UNKL: variants seen among roughly 807,000 people sequenced by gnomAD.
UNKL encodes the protein unk like zinc finger.
A neutral mutation model predicts 78.0 loss-of-function variants in UNKL; 60 were observed. That is an observed-to-expected ratio of 0.77 (90% CI 0.63 to 0.95). The LOEUF is 0.95. Among genes scored for constraint, UNKL ranks in the 40% least tolerant of loss-of-function variants. The pLI is 0.00. For missense variants in UNKL, 1,159 were observed against 1,045.7 expected, an observed-to-expected ratio of 1.11 and a Z score of -1.49; for synonymous variants, 608 against 474.8, an observed-to-expected ratio of 1.28 and a Z score of -3.65.
intron 12 of UNKL, among the ~76,000 whole-genome samples, chr16:1,369,055 G>GTTTTTTTTTTT (rs1218071522): frequency 9.3e-5 from 5 of 53,722 alleles, no homozygotes; most frequent in Non-Finnish European, 9.7e-5. Context: ...CAAAGTATTA[G>GTTTTTTTTTTT]TTTTTTTTTT....
intron 4 of UNKL, among the ~76,000 whole-genome samples, chr16:1,400,808 C>T (rs1204503025): frequency 1.3e-5 from 2 of 152,088 alleles, no homozygotes; most frequent in East Asian, 1.9e-4. Context: ...CAGCCTCAGC[C>T]TCCCAAGTAG....
chr16:1,375,061 T>C (rs975973074), intron 10 of UNKL, among the ~76,000 whole-genome samples: 3 of 152,112 alleles, frequency 2.0e-5, no homozygotes, highest in East Asian at 1.9e-4. Flanking sequence ...ACGGGGACCA[T>C]GGGAGCAACC....
chr16:1,411,393 G>T (rs2038032290), intron 2 of UNKL, among the ~76,000 whole-genome samples: 1 of 151,848 alleles, frequency 6.6e-6, no homozygotes, highest in South Asian at 2.1e-4. Flanking sequence ...TTAGCCAGGA[G>T]TGATAGAGCA....
At chr16:1,401,522 T>TGGGC in intron 4 of UNKL, 46 bp downstream of exon 4, 7 of 1,467,546 alleles carry the variant, frequency 4.8e-6, no homozygotes, top group African/African-American at 1.5e-5. Context: ...TCTCGCGCTG[T>TGGGC]GCCCGCCCCC....
At chr16:1,409,148 G>A (rs1449846538) in intron 2 of UNKL, among the ~76,000 whole-genome samples, 1 of 152,132 alleles carries the variant, frequency 6.6e-6, no homozygotes, top group Non-Finnish European at 1.5e-5. Context: ...TCCCGACCTC[G>A]TGATCTGCCC....
intron 2 of UNKL, among the ~76,000 whole-genome samples, chr16:1,406,455 C>T (rs1485018425): frequency 6.6e-6 from 1 of 152,120 alleles, no homozygotes; most frequent in Non-Finnish European, 1.5e-5. Context: ...TCAGGTGATC[C>T]GCCTGCCTTG....
intron 9 of UNKL, 52 bp from the exon 10 acceptor site, chr16:1,385,437 A>G (rs962434133): frequency 3.1e-6 from 4 of 1,284,092 alleles, no homozygotes; most frequent in Non-Finnish European, 3.0e-6. Context: ...TGGAGGAGGC[A>G]GCGCCACGTC....
In UNKL at chr16:1,363,485, G is replaced by A; in HGVS notation, c.*2755C>T. 2 of 318,080 alleles carry A rather than the reference G, an allele frequency of 6.3e-6. No homozygotes were observed. The highest frequency in any genetic ancestry group is 2.6e-5 in the South Asian group (1 of 38,814). 19.7% of individuals were successfully genotyped at this position (318,080 alleles called of 1,614,324 possible). The stretch of plus-strand genomic sequence containing the variant: ...AGGTCTGCTGACCACAGTTACACAC[G>A]TCGTGACACCACTGTATCACGGCGA... On this transcript the variant is annotated 3_prime_UTR_variant, in exon 15 of 15. Coordinates refer to ENST00000389221, the MANE Select transcript of UNKL (RefSeq NM_001372107.1).
rs2037412337 is a variant in UNKL at position 1,399,350 on chromosome 16, C to G, written c.734+24G>C. On this transcript the variant is annotated intron_variant, in intron 5 of 14. Transcript: ENST00000389221. The surrounding 1 kb of genome is among the most constrained non-coding windows in gnomAD (Gnocchi z 5.8). ...AAGGACGCCCACCAGCCGGAGTCCT[C>G]TGAGCACGGTCCCGCAGGCTCACCT... 21 of 1,557,972 alleles carry G rather than the reference C, an allele frequency of 1.3e-5. No homozygotes were observed. The highest frequency in any genetic ancestry group is 1.8e-5 in the Non-Finnish European group (21 of 1,150,052).
At chr16:1,379,500 G>C (rs576529090) in intron 10 of UNKL, 21 of 985,204 alleles carry the variant, frequency 2.1e-5, no homozygotes, top group Non-Finnish European at 2.5e-5. Flanking sequence ...CCCCGCGGCT[G>C]TCACACCCGG....
intron 5 of UNKL, chr16:1,398,242 A>G (rs1224604309): frequency 1.1e-6 from 1 of 952,332 alleles, no homozygotes; most frequent in Non-Finnish European, 1.3e-6. Context: ...GCACCACCGC[A>G]CTCCAGCCTG....
Position 1,385,236 on chromosome 16 carries a change from G to A in UNKL, c.1236C>T (p.Pro412=), listed in dbSNP as rs1337078528. Residue 412 remains proline, a synonymous_variant, in exon 10 of 15, where the codon CCC becomes CCT. Coordinates refer to ENST00000389221, the MANE Select transcript of UNKL (RefSeq NM_001372107.1). ...APPARALPLG[P]ASSTVEAVLG... ...GGACGGCCTCCACAGTGCTGCTGGC[G>A]GGGCCGAGCGGGAGGGCACGGGCGG... The A allele has an allele frequency of 9.2e-6, 12 of 1,303,590 alleles. No homozygotes were observed. Among genetic ancestry groups the A allele is most frequent in the African/African-American group, 1.5e-5 (1 of 64,584 alleles). 80.8% of individuals were successfully genotyped at this position (1,303,590 alleles called of 1,614,324 possible).
At chr16:1,401,048 C>T (rs971367820) in intron 4 of UNKL, among the ~76,000 whole-genome samples, 5 of 152,142 alleles carry the variant, frequency 3.3e-5, no homozygotes. Context: ...TGTGTGCCAG[C>T]CAGGAATGCA....
chr16:1,400,944 C>T (rs2037498787), intron 4 of UNKL, among the ~76,000 whole-genome samples: 1 of 152,224 alleles, frequency 6.6e-6, no homozygotes, highest in Non-Finnish European at 1.5e-5. Context: ...CCGCCTCGGC[C>T]TCCCAAAGTG....
In UNKL at chr16:1,363,297, T is replaced by A; in HGVS notation, c.*2943A>T. 1.7e-6 allele frequency: 1 copy of A among 592,712 alleles called. No homozygotes were observed. Among genetic ancestry groups the A allele is most frequent in the Non-Finnish European group, 3.0e-6 (1 of 331,808 alleles). 36.7% of individuals were successfully genotyped at this position (592,712 alleles called of 1,614,324 possible). ...CATAAATGCTATAGTGTAAAAAAAT[T>A]TAAACAAGTGTTAACTTTAAACAGT... On this transcript the variant is annotated 3_prime_UTR_variant, in exon 15 of 15. Coordinates refer to ENST00000389221, the MANE Select transcript of UNKL (RefSeq NM_001372107.1).
chr16:1,406,449 G>C (rs570998978), intron 2 of UNKL, among the ~76,000 whole-genome samples: 161 of 152,240 alleles, frequency 1.1e-3, no homozygotes, highest in African/African-American at 3.7e-3. Context: ...CTGACATCAG[G>C]TGATCCGCCT....
rs569563665 is a variant in UNKL at position 1,397,009 on chromosome 16, A to C, written c.852+169T>G. The C allele has an allele frequency of 2.7e-5, 18 of 656,140 alleles. No homozygotes were observed. The African/African-American group carries it at 2.9e-4, about 11-fold the overall frequency. 40.6% of individuals were successfully genotyped at this position (656,140 alleles called of 1,614,324 possible). ...CAGCCCGAAGGCCAGCAAGCAAGACAAGCAAGCAGGTACAGCCCTCATGCC... is the reference window on the plus strand; with the variant it reads ...CAGCCCGAAGGCCAGCAAGCAAGACCAGCAAGCAGGTACAGCCCTCATGCC... On this transcript the variant is annotated intron_variant, in intron 6 of 14. Transcript: ENST00000389221.
At chr16:1,384,164 C>T (rs1397092245) in intron 10 of UNKL, among the ~76,000 whole-genome samples, 2 of 152,130 alleles carry the variant, frequency 1.3e-5, no homozygotes, top group East Asian at 1.9e-4. Flanking sequence ...ACTCACCAAG[C>T]GTCTCTGCAA....
chr16:1,409,249 G>A (rs984924808), intron 2 of UNKL, among the ~76,000 whole-genome samples: 1 of 152,204 alleles, frequency 6.6e-6, no homozygotes, highest in African/African-American at 2.4e-5. Context: ...CTAAAGAAAA[G>A]GAAGGCCCTG....
Sources: gnomAD v4.1 joint callset for allele counts (sites outside exome capture counted in the v4.1 genomes callset) on GRCh38, gnomAD v4.1.1 for gene constraint, Gnocchi (gnomAD v3.1) non-coding constraint, MANE v1.5 for transcripts, NCBI Gene and HGNC (gene_info 2026-07-23, HGNC 2026-07-21) for gene names.